Variants in SIPA1L2 observed in about 807,000 individuals in gnomAD.
SIPA1L2 encodes the protein signal induced proliferation associated 1 like 2.
SIPA1L2 carries 56 observed loss-of-function variants against 163.9 expected under a neutral mutation model. That is an observed-to-expected ratio of 0.34 (90% confidence interval 0.28 to 0.43). The LOEUF (loss-of-function observed/expected upper bound fraction) is 0.43. Ranked by LOEUF, SIPA1L2 falls within the 20% of genes least tolerant of loss-of-function variation. SIPA1L2 has a pLI of 1.00. For missense variants in SIPA1L2, 1,974 were observed against 2,193.5 expected (o/e 0.90, Z 2.00); for synonymous variants, 877 against 865.7 (o/e 1.01, Z -0.23).
chr1:232,417,281 C>T (rs760394270), intron 18 of SIPA1L2, among the ~76,000 whole-genome samples: 20 of 152,076 alleles, frequency 1.3e-4, no homozygotes, highest in Non-Finnish European at 2.6e-4. Context: ...TACAGCTACG[C>T]CAATTTTCCA....
At chr1:232,573,903 C>T (rs1470862498) in intron 2 of SIPA1L2, among the ~76,000 whole-genome samples, 1 of 152,148 alleles carries the variant, frequency 6.6e-6, no homozygotes, top group Non-Finnish European at 1.5e-5. Flanking sequence ...TCCTTTTAAA[C>T]GCATTCAGGG....
chr1:232,517,738 T>C (rs937339967), intron 2 of SIPA1L2, among the ~76,000 whole-genome samples: 1 of 152,066 alleles, frequency 6.6e-6, no homozygotes, highest in Non-Finnish European at 1.5e-5. Context: ...GACACCAATA[T>C]ATAGTCAAAA....
intron 10 of SIPA1L2, among the ~76,000 whole-genome samples, chr1:232,456,368 T>TA (rs372761505): frequency 4.9e-4 from 74 of 152,264 alleles, no homozygotes; most frequent in African/African-American, 1.5e-3. Flanking sequence ...GATGAGAACA[T>TA]AAAGTTTTAA....
chr1:232,429,608 TAA>T (rs35262191), intron 16 of SIPA1L2, among the ~76,000 whole-genome samples: 243 of 137,532 alleles, frequency 1.8e-3, no homozygotes, highest in Middle Eastern at 0.015. Context: ...ATAGTGGCTG[TAA>T]AAAAAAAAAA....
chr1:232,572,753 ATATATATATATATATATATATATATATT>A (rs1374912089), intron 2 of SIPA1L2, among the ~76,000 whole-genome samples: 39 of 110,324 alleles, frequency 3.5e-4, no homozygotes, highest in South Asian at 6.1e-4. Flanking sequence ...ATATATATAT[ATATATATATATATATATATATATATATT>A]TATTTATTTA....
At chr1:232,531,807 G>A (rs1269486424) in intron 2 of SIPA1L2, among the ~76,000 whole-genome samples, 2 of 152,100 alleles carry the variant, frequency 1.3e-5, no homozygotes, top group African/African-American at 4.8e-5. Context: ...GGAAGGGTAC[G>A]GTGGCTAAGG....
intron 2 of SIPA1L2, among the ~76,000 whole-genome samples, chr1:232,553,895 C>T (rs745839847): frequency 3.3e-5 from 5 of 152,076 alleles, no homozygotes; most frequent in Admixed American, 2.6e-4. Context: ...ACATAAAAGC[C>T]ATCAACACAA....
chr1:232,428,631 A>C, intron 16 of SIPA1L2, 67 bp from the exon 17 acceptor site: 5 of 1,280,214 alleles, frequency 3.9e-6, no homozygotes, highest in South Asian at 2.3e-5. Flanking sequence ...AAGAATTAAA[A>C]CCTAGGAAGC....
At chr1:232,588,018 C>A (rs966896659) in intron 1 of SIPA1L2, among the ~76,000 whole-genome samples, 3 of 152,138 alleles carry the variant, frequency 2.0e-5, no homozygotes, top group Admixed American at 2.0e-4. Context: ...TGCCCAGTCT[C>A]GGGTATGTCT....
intron 1 of SIPA1L2, among the ~76,000 whole-genome samples, chr1:232,616,193 G>A (rs1482061651): frequency 6.6e-6 from 1 of 152,098 alleles, no homozygotes; most frequent in East Asian, 1.9e-4. Context: ...AGATCACAAG[G>A]ACTTTTATCC....
At chr1:232,496,713 T>A (rs904971568) in intron 3 of SIPA1L2, among the ~76,000 whole-genome samples, 1 of 152,200 alleles carries the variant, frequency 6.6e-6, no homozygotes, top group African/African-American at 2.4e-5. Flanking sequence ...ATTTTTAAAC[T>A]TAAAACTAAA....
chr1:232,568,911 C>A (rs574865518), intron 2 of SIPA1L2, among the ~76,000 whole-genome samples: 1 of 152,210 alleles, frequency 6.6e-6, no homozygotes, highest in South Asian at 2.1e-4. Flanking sequence ...ATTACAGCAA[C>A]TGAACCTTTT....
rs531479433 is a variant in SIPA1L2, at chr1:232,480,938, A to G, written c.1982-1208T>C. Among the ~76,000 whole-genome samples the G allele has an allele frequency of 2.6e-5, 4 of 152,330 alleles. No homozygotes were observed. In the South Asian group the frequency reaches 8.3e-4, roughly 32 times the overall value. ...TAATATTCATATCCAATTCAGAAAC[A>G]GACCTGAAAACTCTTTAGAAAAAAT... On this transcript the variant is annotated intron_variant, in intron 6 of 22. Coordinates refer to ENST00000674635, the MANE Select transcript of SIPA1L2 (RefSeq NM_020808.5).
intron 2 of SIPA1L2, among the ~76,000 whole-genome samples, chr1:232,560,555 G>A (rs1658970121): frequency 6.6e-6 from 1 of 152,174 alleles, no homozygotes; most frequent in Non-Finnish European, 1.5e-5. Context: ...TCATGGGAAG[G>A]AAAATGCTGT....
intron 3 of SIPA1L2, among the ~76,000 whole-genome samples, chr1:232,498,443 C>T (rs1666308363): frequency 6.6e-6 from 1 of 152,200 alleles, no homozygotes; most frequent in Non-Finnish European, 1.5e-5. Context: ...ACCGCTGTAA[C>T]AAATTTCCAA....
At position 232,556,672 on chromosome 1, in the gene SIPA1L2, C is replaced by T. The variant is rs1658725551; in HGVS notation, c.-270+17502G>A. On this transcript the variant is annotated intron_variant, in intron 2 of 22. Transcript: ENST00000674635. ...GCTGTTATCAATCACACTTGAGAAT[C>T]TTTGAACTTTGCTTTGTAAAACTAG... Among the ~76,000 whole-genome samples, 4 of 151,356 alleles carry T rather than the reference C, an allele frequency of 2.6e-5. No homozygotes were observed. In the South Asian group the frequency reaches 6.2e-4, roughly 24 times the overall value.
intron 5 of SIPA1L2, chr1:232,490,631 T>C (rs535237384): frequency 3.0e-5 from 13 of 431,650 alleles, no homozygotes; most frequent in Admixed American, 1.7e-4. Flanking sequence ...TCTTGCAAGC[T>C]GGGACACACC....
chr1:232,425,005 A>G (rs569241636), intron 18 of SIPA1L2, among the ~76,000 whole-genome samples: 37 of 152,378 alleles, frequency 2.4e-4, no homozygotes, highest in Middle Eastern at 3.4e-3. Context: ...AAGGAAAATC[A>G]TCTAGAAATC....
Position 232,514,974 on chromosome 1 carries a change from A to T in SIPA1L2, c.366T>A (p.Ser122Arg). ...CGAGCTGTTCATCTTGCTGACCTTC[A>T]CTCTGGTCACTCTGCCCATTCTGCA... is the stretch of plus-strand genomic sequence containing the variant. ...SVLQNGQSDQSEGQQDEQLDL... is the reference protein window; with the variant it reads ...SVLQNGQSDQREGQQDEQLDL... Residue 122 changes from serine (S) to arginine (R), a missense_variant, in exon 3 of 23, where the codon AGT (serine) becomes AGA (arginine). Coordinates refer to ENST00000674635, the MANE Select transcript of SIPA1L2 (RefSeq NM_020808.5). The T allele has an allele frequency of 6.2e-7, 1 of 1,614,042 alleles. No individual in the cohort carries two copies. Among genetic ancestry groups the T allele is most frequent in the Non-Finnish European group, 8.5e-7 (1 of 1,180,016 alleles).
Sources: gnomAD v4.1 joint callset for allele counts (sites outside exome capture counted in the v4.1 genomes callset) on GRCh38, gnomAD v4.1.1 for gene constraint, MANE v1.5 for transcripts, NCBI Gene and HGNC (gene_info 2026-07-23, HGNC 2026-07-21) for gene names.